The following PMFBP1 variants were observed in gnomAD, a reference collection of about 807,000 sequenced individuals.
PMFBP1 encodes the protein polyamine modulated factor 1 binding protein 1.
In PMFBP1, 131 loss-of-function variants were observed where a neutral mutation model predicts 137.8. The observed-to-expected ratio is 0.95, with a 90% CI of 0.82 to 1.10. The LOEUF (loss-of-function observed/expected upper bound fraction) is 1.10, where lower values mean the gene tolerates loss of function less well. PMFBP1 is among the 50% of genes least tolerant of loss of function. The pLI is 0.00. For missense variants in PMFBP1, 1,199 were observed against 1,175.4 expected, an observed-to-expected ratio of 1.02 and a Z score of -0.29; for synonymous variants, 490 against 450.4, an observed-to-expected ratio of 1.09 and a Z score of -1.11.
chr16:72,199,780 T>G, the PMFBP1 span, among the ~76,000 whole-genome samples: 1 of 151,978 alleles, frequency 6.6e-6, no homozygotes, highest in African/African-American at 2.4e-5. Flanking sequence ...GGGAATGTAG[T>G]TGCAAATCAC....
chr16:72,132,926 G>A lies in PMFBP1; in HGVS notation c.1269C>T (p.Ser423=). Residue 423 remains serine (S), a synonymous_variant, in exon 10 of 21, where the codon AGC becomes AGT. Transcript: ENST00000237353. ...LEKKLTQVQN[S]LLKKEKELEK... ...CCAGCTCCTTCTCCTTTTTCAGGAG[G>A]CTGTTCTGAACCTGTGTCAGTTTCT... 2.5e-6 allele frequency: 4 copies of A among 1,614,168 alleles called. No homozygotes were observed. The highest frequency in any genetic ancestry group is 3.4e-6 in the Non-Finnish European group (4 of 1,180,018).
At chr16:72,124,038 C>A (rs150655639) in intron 17 of PMFBP1, among the ~76,000 whole-genome samples, 13 of 152,170 alleles carry the variant, frequency 8.5e-5, no homozygotes, top group African/African-American at 2.9e-4. Flanking sequence ...TTTTGACACT[C>A]TTGCTCTGTC....
intron 4 of PMFBP1, among the ~76,000 whole-genome samples, chr16:72,152,493 G>A (rs1021504732): frequency 6.6e-6 from 1 of 152,134 alleles, no homozygotes; most frequent in Non-Finnish European, 1.5e-5. Context: ...GGAAGGGAGT[G>A]TGCCTTTCCT....
At chr16:72,152,147 G>C (rs2042911548) in intron 4 of PMFBP1, among the ~76,000 whole-genome samples, 6 of 152,162 alleles carry the variant, frequency 3.9e-5, no homozygotes, top group Admixed American at 3.9e-4. Flanking sequence ...TTATATCCTT[G>C]TCTTAGGGTC....
the PMFBP1 span, among the ~76,000 whole-genome samples, chr16:72,247,451 T>C: frequency 6.6e-6 from 1 of 152,238 alleles, no homozygotes; most frequent in Admixed American, 6.5e-5. Context: ...CCCAAGCTTC[T>C]AACTTATCCT....
At chr16:72,158,499 T>G (rs1401093044) in intron 3 of PMFBP1, among the ~76,000 whole-genome samples, 3 of 152,070 alleles carry the variant, frequency 2.0e-5, no homozygotes, top group African/African-American at 4.8e-5. Context: ...TGTATGTGTG[T>G]GTACATGCAC....
rs865782467 is a variant in PMFBP1 at position 72,154,327 on chromosome 16, G to C, written c.298C>G (p.His100Asp). ...TAAGAAGTCTGCAACTCCTCTGTGT[G>C]AAACTCCAGTTCTTGTTGAAGGACC... is the stretch of plus-strand genomic sequence containing the variant. ...LLVLQQELEF[H>D]TEELQTSYYS... The change falls in exon 4 of 21, where the codon CAC (histidine) becomes GAC (aspartate). Residue 100 changes from histidine (H) to aspartate (D), a missense_variant. Transcript: ENST00000237353. 6.8e-6 allele frequency: 11 copies of C among 1,614,052 alleles called. No individual in the cohort carries two copies. In the Admixed American group the frequency reaches 1.7e-4, roughly 24 times the overall value.
chr16:72,198,684 C>A, the PMFBP1 span, among the ~76,000 whole-genome samples: 28,639 of 152,046 alleles, frequency 0.19, 3,573 homozygotes, highest in South Asian at 0.36. Flanking sequence ...ATAATTCCCA[C>A]CAGCTTTGGG....
intron 5 of PMFBP1, among the ~76,000 whole-genome samples, chr16:72,148,237 G>A (rs903900481): frequency 4.6e-5 from 7 of 152,088 alleles, no homozygotes; most frequent in Non-Finnish European, 8.8e-5. Flanking sequence ...GGATGAAACT[G>A]GAAACCATCA....
the PMFBP1 span, among the ~76,000 whole-genome samples, chr16:72,194,884 T>C: frequency 1.3e-5 from 2 of 152,232 alleles, no homozygotes; most frequent in Non-Finnish European, 2.9e-5. Context: ...GAGTTCCTCT[T>C]TCTGGCTTAC....
At chr16:72,127,924 C>T (rs957755335) in intron 14 of PMFBP1, among the ~76,000 whole-genome samples, 1 of 152,188 alleles carries the variant, frequency 6.6e-6, no homozygotes. Flanking sequence ...CTTGGCCTTT[C>T]ATTTGTAGCC....
chr16:72,174,652 G>T (rs952488442), upstream of PMFBP1, among the ~76,000 whole-genome samples: 1 of 152,224 alleles, frequency 6.6e-6, no homozygotes. Flanking sequence ...GGCTGGGGAG[G>T]CCTCAGGAAA....
downstream of PMFBP1, among the ~76,000 whole-genome samples, chr16:72,116,832 T>C (rs775240888): frequency 2.0e-5 from 3 of 152,188 alleles, no homozygotes; most frequent in Non-Finnish European, 4.4e-5. Context: ...ATTTCTGGGA[T>C]TCTTTCTAGT....
chr16:72,171,196 C>A lies in PMFBP1; in HGVS notation c.12+1G>T, dbSNP rs1371908039. ...GCATGTAGAGGAGTTAGGAGCCTTA[C>A]CTCATCTTTCATTTCCTTGGCAGCT... On this transcript the variant is annotated splice_donor_variant, in intron 2 of 20. Transcript: ENST00000237353. LOFTEE classifies it high-confidence loss of function. 2 of 1,613,680 alleles carry A rather than the reference C, an allele frequency of 1.2e-6. No individual in the cohort carries two copies.
At position 72,132,595 on chromosome 16, in the gene PMFBP1, T is replaced by C. The variant is rs532462978; in HGVS notation, c.1447+153A>G. On this transcript the variant is annotated intron_variant, in intron 10 of 20. Coordinates refer to ENST00000237353, the MANE Select transcript of PMFBP1 (RefSeq NM_031293.3). ...AATTCAAGAGGGCGGTGGCCACTGC[T>C]GTGAGGTATAGGATGAGGCCCTGAG... 5 of 1,243,454 alleles carry C rather than the reference T, an allele frequency of 4.0e-6. No individual in the cohort carries two copies. In the East Asian group the frequency reaches 1.2e-4, roughly 30 times the overall value. 77.0% of individuals were successfully genotyped at this position (1,243,454 alleles called of 1,614,324 possible). A position where few individuals can be genotyped will look rare whatever the true frequency, so the allele number is the denominator to read the frequency against.
chr16:72,119,546 C>T (rs563398196), intron 20 of PMFBP1, 192 bp from the exon 21 acceptor site: 207 of 1,460,354 alleles, frequency 1.4e-4, no homozygotes, highest in Middle Eastern at 1.3e-3. Flanking sequence ...GGTGCTCTTA[C>T]GGGGTTTCCA....
intron 5 of PMFBP1, among the ~76,000 whole-genome samples, chr16:72,142,376 A>G (rs1359271688): frequency 6.6e-6 from 1 of 152,122 alleles, no homozygotes; most frequent in East Asian, 1.9e-4. Context: ...TCAGACTAAA[A>G]GGATTAGTGA....
At chr16:72,172,637 C>T (rs1032116831), upstream of PMFBP1, among the ~76,000 whole-genome samples, 4 of 151,742 alleles carry the variant, frequency 2.6e-5, no homozygotes, top group South Asian at 6.3e-4. Context: ...AGAGAGATTG[C>T]GGGTTTGGTT....
chr16:72,155,862 T>C (rs1172619538), intron 3 of PMFBP1, among the ~76,000 whole-genome samples: 2 of 152,132 alleles, frequency 1.3e-5, no homozygotes, highest in Non-Finnish European at 2.9e-5. Flanking sequence ...TCACCCCTGC[T>C]CCCTCCTCCA....
Sources: gnomAD v4.1 joint callset for allele counts (sites outside exome capture counted in the v4.1 genomes callset) on GRCh38, gnomAD v4.1.1 for gene constraint, MANE v1.5 for transcripts, NCBI Gene and HGNC (gene_info 2026-07-23, HGNC 2026-07-21) for gene names.